NDUFB2: variants seen among roughly 807,000 people sequenced by gnomAD.
NDUFB2 encodes the protein NADH:ubiquinone oxidoreductase subunit B2.
A neutral mutation model predicts 13.4 loss-of-function variants in NDUFB2; 13 were observed. The ratio of observed to expected loss-of-function variants is 0.97; its 90% CI spans 0.63 to 1.54. The LOEUF (loss-of-function observed/expected upper bound fraction) is 1.54. Ranked by LOEUF, NDUFB2 falls within the 40% of genes most tolerant of loss-of-function variation. The pLI is 0.00. For missense variants in NDUFB2, 150 were observed against 139.7 expected (o/e 1.07, Z -0.37); for synonymous variants, 47 against 50.6 (o/e 0.93, Z 0.30).
At chr7:140,700,943 T>C (rs975404291) in intron 1 of NDUFB2, 2 of 152,226 alleles carry the variant, frequency 1.3e-5, no homozygotes, top group African/African-American at 4.8e-5. Flanking sequence ...ATTCAAGTTG[T>C]AAAGTGGCGA....
At chr7:140,696,929 C>T (rs901334962) in intron 1 of NDUFB2, 87 bp downstream of exon 1, 2 of 1,259,824 alleles carry the variant, frequency 1.6e-6, no homozygotes, top group African/African-American at 3.0e-5. Flanking sequence ...ACTGGGGCGC[C>T]TGAAGAGGCC....
In NDUFB2 at chr7:140,702,981, C is replaced by T. The variant is rs768731145; in HGVS notation, c.214C>T (p.Arg72Cys). ...SGLMWFWILWRFWHDSEEVLG... is the reference protein window; with the variant it reads ...SGLMWFWILWCFWHDSEEVLG... ...ACTCATGTGGTTCTGGATTCTCTGGCGCTTTTGGCATGACTCAGAAGAGGT... is the reference window on the plus strand; with the variant it reads ...ACTCATGTGGTTCTGGATTCTCTGGTGCTTTTGGCATGACTCAGAAGAGGT... Residue 72 changes from arginine to cysteine, a missense_variant, in exon 2 of 4, where the codon CGC becomes TGC. Physicochemically the swap from Arg to Cys is radical, Grantham distance 180. Transcript: ENST00000247866. 16 of 1,613,822 alleles carry T rather than the reference C, an allele frequency of 9.9e-6. No individual in the cohort carries two copies. The highest frequency in any genetic ancestry group is 3.3e-5 in the Admixed American group (2 of 59,992).
At chr7:140,697,866 ACT>A (rs1464564212) in intron 1 of NDUFB2, among the ~76,000 whole-genome samples, 4 of 151,988 alleles carry the variant, frequency 2.6e-5, no homozygotes, top group Non-Finnish European at 2.9e-5. Context: ...ATGGGGTCTA[ACT>A]CTGTCAGGCA....
chr7:140,699,152 C>T (rs369935362), intron 1 of NDUFB2, among the ~76,000 whole-genome samples: 7 of 151,816 alleles, frequency 4.6e-5, no homozygotes, highest in African/African-American at 1.2e-4. Context: ...AGTGAGACCC[C>T]GTCTCAAAAA....
rs1307350531 is a variant in NDUFB2, at chr7:140,701,819, C to T, written c.99-1047C>T. ...GGCATGGTGGCGTACACCTGTAGTC[C>T]CAGCTACTTGGGAGGCTGAGGCAGG... On this transcript the variant is annotated intron_variant, in intron 1 of 3. Transcript: ENST00000247866. 7.2e-6 allele frequency: 3 copies of T among 418,984 alleles called. No homozygotes were observed. The East Asian group carries it at 1.2e-4, about 17-fold the overall frequency. The allele number at this position is 418,984 out of a possible 1,614,324, so 26.0% of individuals were successfully genotyped here.
chr7:140,697,041 G>C lies in NDUFB2; in HGVS notation c.98+199G>C. On this transcript the variant is annotated intron_variant, in intron 1 of 3. Coordinates refer to ENST00000247866, the MANE Select transcript of NDUFB2 (RefSeq NM_004546.3). ...CGGAGGGAGAGGGAGAGACTTCGCT[G>C]GGCAGATGGGACACCGTGTGCAGGG... 5.0e-6 allele frequency: 3 copies of C among 605,698 alleles called. No individual in the cohort carries two copies. In the South Asian group the frequency reaches 5.9e-5, roughly 12 times the overall value. 37.5% of individuals were successfully genotyped at this position (605,698 alleles called of 1,614,324 possible).
chr7:140,697,287 G>T (rs904684649), intron 1 of NDUFB2: 4 of 702,572 alleles, frequency 5.7e-6, no homozygotes, highest in African/African-American at 1.7e-5. Context: ...GGTAGAGTCT[G>T]TTCGGCAGCC....
At chr7:140,700,860 A>G (rs762042071) in intron 1 of NDUFB2, 1 of 152,154 alleles carries the variant, frequency 6.6e-6, no homozygotes, top group African/African-American at 2.4e-5. Context: ...TGTAATATCT[A>G]TATGCACAGC....
At chr7:140,696,939 C>T (rs1198430906) in intron 1 of NDUFB2, 97 bp downstream of exon 1, 18 of 1,169,302 alleles carry the variant, frequency 1.5e-5, no homozygotes, top group South Asian at 6.7e-5. Flanking sequence ...CTGAAGAGGC[C>T]GCGTCCCGAG....
chr7:140,700,939 G>C (rs1335649305), intron 1 of NDUFB2: 1 of 152,170 alleles, frequency 6.6e-6, no homozygotes, highest in East Asian at 1.9e-4. Context: ...CGTCATTCAA[G>C]TTGTAAAGTG....
intron 3 of NDUFB2, chr7:140,705,638 C>T (rs181848344): frequency 6.6e-6 from 1 of 152,114 alleles, no homozygotes; most frequent in African/African-American, 2.4e-5. Context: ...AAATTTTTTT[C>T]CTAAGTTAGG....
At chr7:140,701,059 A>G (rs952356601) in intron 1 of NDUFB2, 2 of 152,230 alleles carry the variant, frequency 1.3e-5, no homozygotes, top group Non-Finnish European at 1.5e-5. Context: ...AATACCTTAA[A>G]TAGAGCATTC....
intron 1 of NDUFB2, 45 bp downstream of exon 1, chr7:140,696,887 A>G (rs377293950): frequency 2.5e-4 from 378 of 1,536,344 alleles, no homozygotes; most frequent in Non-Finnish European, 3.2e-4. Context: ...CCTGTAGCGG[A>G]CAGCGCGGGT....
At chr7:140,706,109 T>TGTTATGTTATGTTATGTTA (rs74407883) in intron 3 of NDUFB2, 5 of 151,706 alleles carry the variant, frequency 3.3e-5, no homozygotes, top group African/African-American at 1.2e-4. Context: ...TGTTATGTTA[T>TGTTATGTTATGTTATGTTA]TTGAGACAGG....
chr7:140,702,646 C>T, intron 1 of NDUFB2: 2 of 477,224 alleles, frequency 4.2e-6, no homozygotes, highest in Non-Finnish European at 7.2e-6. Context: ...TAATTGAAAA[C>T]CAAAATTAGC....
intron 1 of NDUFB2, chr7:140,698,010 T>A: frequency 7.8e-7 from 1 of 1,289,184 alleles, no homozygotes; most frequent in Non-Finnish European, 1.0e-6. Flanking sequence ...ACTAAAGTGT[T>A]TAAAACAATT....
chr7:140,702,835 A>G (rs766408126), intron 1 of NDUFB2, 31 bp from the exon 2 acceptor site: 8 of 1,612,468 alleles, frequency 5.0e-6, no homozygotes, highest in South Asian at 1.1e-5. Flanking sequence ...AGAATGTAGC[A>G]CGCTGTCTGC....
chr7:140,702,602 T>C (rs1231057414), intron 1 of NDUFB2: 1 of 403,780 alleles, frequency 2.5e-6, no homozygotes, highest in Non-Finnish European at 4.4e-6. Context: ...AATCAACACA[T>C]TCAAATTTCT....
At chr7:140,699,047 A>T (rs183265336) in intron 1 of NDUFB2, among the ~76,000 whole-genome samples, 5 of 152,050 alleles carry the variant, frequency 3.3e-5, no homozygotes, top group African/African-American at 1.2e-4. Context: ...AATCCCAGCT[A>T]CTGGGGAGGC....
Sources: gnomAD v4.1 joint callset for allele counts (sites outside exome capture counted in the v4.1 genomes callset) on GRCh38, gnomAD v4.1.1 for gene constraint, MANE v1.5 for transcripts, NCBI Gene and HGNC (gene_info 2026-07-23, HGNC 2026-07-21) for gene names.